Variants in FAM237B observed in about 807,000 individuals in gnomAD.
FAM237B encodes family with sequence similarity 237 member B.
In FAM237B at chr7:90,319,619, T is replaced by C. The variant is rs574583363; in HGVS notation, c.130A>G (p.Ile44Val). The change falls in exon 3 of 3, where the codon ATT (isoleucine) becomes GTT (valine). Residue 44 changes from isoleucine (I) to valine (V), a missense_variant. By Grantham distance (29) the Ile-to-Val change is conservative (BLOSUM62 3). Transcript: ENST00000692316. ...CAAGCTTTCCAGCACTGGAGATCAATGTCTTTGGTGATTCCTGGGCTGATG... is the reference window on the plus strand; with the variant it reads ...CAAGCTTTCCAGCACTGGAGATCAACGTCTTTGGTGATTCCTGGGCTGATG... ...ASISPGITKD[I>V]DLQCWKACSL... is the part of the protein sequence containing the mutation. 1.5e-5 allele frequency: 6 copies of C among 398,638 alleles called. No individual in the cohort carries two copies. The South Asian group carries it at 6.4e-4, about 42-fold the overall frequency. The allele number at this position is 398,638 out of a possible 1,614,324, so 24.7% of individuals were successfully genotyped here.
Position 90,319,485 on chromosome 7 carries a change from A to T in FAM237B, c.264T>A (p.Asn88Lys). 2 of 398,636 alleles carry T rather than the reference A, an allele frequency of 5.0e-6. No individual in the cohort carries two copies. The highest frequency in any genetic ancestry group is 7.1e-5 in the East Asian group (2 of 28,082). The allele number at this position is 398,636 out of a possible 1,614,324, so 24.7% of individuals were successfully genotyped here. The change falls in exon 3 of 3, where the codon AAT (asparagine) becomes AAA (lysine). Residue 88 changes from asparagine to lysine, a missense_variant. Coordinates refer to ENST00000692316, the MANE Select transcript of FAM237B (RefSeq NM_001384237.2). The part of the protein sequence containing the change: ...LQKSQRPGHY[N>K]VFLNIAQDFW... ...AATCCTGAGCTATGTTTAAGAAGAC[A>T]TTATAATGTCCAGGCCGCTGAGATT...
rs1378007240 is a variant in FAM237B at position 90,319,297 on chromosome 7, TTAAA to T, written c.*28_*31del. On this transcript the variant is annotated 3_prime_UTR_variant, in exon 3 of 3. Coordinates refer to ENST00000692316, the MANE Select transcript of FAM237B (RefSeq NM_001384237.2). ...GATAACTTGAAAAAAATCAGAAGAA[TTAAA>T]TAGTGACTTTTAAAGAAAAGTAAAC... 1.3e-5 allele frequency: 5 copies of T among 398,308 alleles called. No individual in the cohort carries two copies. The highest frequency in any genetic ancestry group is 2.2e-5 in the Non-Finnish European group (5 of 225,960). 24.7% of individuals were successfully genotyped at this position (398,308 alleles called of 1,614,324 possible).
chr7:90,319,144 C>A lies in FAM237B; in HGVS notation c.*185G>T. Reference sequence around the variant, plus strand: ...TTATCTACCAAAGTGTATTATATTCCAAGATCATTTAAAATTGTAAGTCAG... The same window carrying A: ...TTATCTACCAAAGTGTATTATATTCAAAGATCATTTAAAATTGTAAGTCAG... On this transcript the variant is annotated 3_prime_UTR_variant, in exon 3 of 3. Coordinates refer to ENST00000692316, the MANE Select transcript of FAM237B (RefSeq NM_001384237.2). 1 of 358,242 alleles carries A rather than the reference C, an allele frequency of 2.8e-6. No homozygotes were observed. The highest frequency in any genetic ancestry group is 5.0e-6 in the Non-Finnish European group (1 of 200,960). The allele number at this position is 358,242 out of a possible 1,614,324, so 22.2% of individuals were successfully genotyped here.
At chr7:90,320,411 G>A (rs1167931423) in intron 2 of FAM237B, 1 of 152,248 alleles carries the variant, frequency 6.6e-6, no homozygotes, top group African/African-American at 2.4e-5. Flanking sequence ...CGAAAACAAA[G>A]GTGATATAAG....
rs985452829 is a variant in FAM237B at position 90,316,969 on chromosome 7, A to G, written c.*2360T>C. 1 of 152,182 alleles carries G rather than the reference A, an allele frequency of 6.6e-6. No individual in the cohort carries two copies. Among genetic ancestry groups the G allele is most frequent in the Non-Finnish European group, 1.5e-5 (1 of 68,028 alleles). 9.4% of individuals were successfully genotyped at this position (152,182 alleles called of 1,614,324 possible). Reference sequence around the variant, plus strand: ...TTACAGCATTGAACTTTTGAGCTTCAATCATTTGCCCACAGACTGTAAAAG... The same window carrying G: ...TTACAGCATTGAACTTTTGAGCTTCGATCATTTGCCCACAGACTGTAAAAG... On this transcript the variant is annotated 3_prime_UTR_variant, in exon 3 of 3. Coordinates refer to ENST00000692316, the MANE Select transcript of FAM237B (RefSeq NM_001384237.2).
chr7:90,320,497 C>G (rs1488282651), intron 2 of FAM237B, 184 bp downstream of exon 2: 2 of 152,208 alleles, frequency 1.3e-5, no homozygotes, highest in African/African-American at 4.8e-5. Flanking sequence ...TGCATGCCTC[C>G]TTGCCAACTG....
At position 90,318,063 on chromosome 7, in the gene FAM237B, A is replaced by G. The variant is rs1794971675; in HGVS notation, c.*1266T>C. 1 of 152,200 alleles carries G rather than the reference A, an allele frequency of 6.6e-6. No individual in the cohort carries two copies. Among genetic ancestry groups the G allele is most frequent in the Non-Finnish European group, 1.5e-5 (1 of 68,014 alleles). The allele number at this position is 152,200 out of a possible 1,614,324, so 9.4% of individuals were successfully genotyped here. On this transcript the variant is annotated 3_prime_UTR_variant, in exon 3 of 3. Transcript: ENST00000692316. ...CCCTCTTCACTAGGAGAAGTGGGAA[A>G]CAGACCAAATTTATAGGCACCCTTT...
At position 90,318,519 on chromosome 7, in the gene FAM237B, T is replaced by G. The variant is rs1795022790; in HGVS notation, c.*810A>C. 1 of 152,140 alleles carries G rather than the reference T, an allele frequency of 6.6e-6. No homozygotes were observed. Among genetic ancestry groups the G allele is most frequent in the Non-Finnish European group, 1.5e-5 (1 of 67,974 alleles). The allele number at this position is 152,140 out of a possible 1,614,324, so 9.4% of individuals were successfully genotyped here. On this transcript the variant is annotated 3_prime_UTR_variant, in exon 3 of 3. Transcript: ENST00000692316. ...CATTAAATATTACTTTTTAGGATAA[T>G]ACTGCCATTAGTTTTGGCACAGTTT...
chr7:90,320,433 T>C (rs1186287693), intron 2 of FAM237B: 3 of 152,230 alleles, frequency 2.0e-5, no homozygotes, highest in Admixed American at 2.0e-4. Context: ...TAGGATGAGA[T>C]AGTGCAGGGC....
chr7:90,321,263 AGCT>A lies in FAM237B; in HGVS notation c.-395_-393del, dbSNP rs1308555535. The A allele has an allele frequency of 6.6e-6, 1 of 151,836 alleles. No homozygotes were observed. The highest frequency in any genetic ancestry group is 1.5e-5 in the Non-Finnish European group (1 of 68,036). 9.4% of individuals were successfully genotyped at this position (151,836 alleles called of 1,614,324 possible). On this transcript the variant is annotated 5_prime_UTR_variant, in exon 1 of 3. Coordinates refer to ENST00000692316, the MANE Select transcript of FAM237B (RefSeq NM_001384237.2). ...GCTGGCACTGGCTCACCGCGGGTGG[AGCT>A]GCCGGTTCTGCTGCGGCCACGCGGG...
In FAM237B at chr7:90,317,532, A is replaced by C. The variant is rs1794915216; in HGVS notation, c.*1797T>G. The C allele has an allele frequency of 7.0e-6, 1 of 142,952 alleles. No homozygotes were observed. The highest frequency in any genetic ancestry group is 2.5e-5 in the African/African-American group (1 of 40,244). 8.9% of individuals were successfully genotyped at this position (142,952 alleles called of 1,614,324 possible). A position where few individuals can be genotyped will look rare whatever the true frequency, so the allele number is the denominator to read the frequency against. On this transcript the variant is annotated 3_prime_UTR_variant, in exon 3 of 3. Transcript: ENST00000692316. Reference sequence around the variant, plus strand: ...TACAATCTTATATTATCTGCTACTCATGCAAAATTGGTTATATGAAATAAT... The same window carrying C: ...TACAATCTTATATTATCTGCTACTCCTGCAAAATTGGTTATATGAAATAAT...
At chr7:90,319,929 C>T (rs755094185) in intron 2 of FAM237B, among the ~76,000 whole-genome samples, 178 bp from the exon 3 acceptor site, 1 of 152,146 alleles carries the variant, frequency 6.6e-6, no homozygotes, top group Non-Finnish European at 1.5e-5. Flanking sequence ...TATTACAGTT[C>T]CGGTTTGATT....
At chr7:90,319,890 A>G in intron 2 of FAM237B, 139 bp from the exon 3 acceptor site, 1 of 396,760 alleles carries the variant, frequency 2.5e-6, no homozygotes, top group Non-Finnish European at 4.4e-6. Flanking sequence ...TTTTTTCTAA[A>G]TTACTGATTA....
intron 2 of FAM237B, among the ~76,000 whole-genome samples, chr7:90,320,078 T>G (rs558770222): frequency 6.6e-6 from 1 of 152,242 alleles, no homozygotes; most frequent in Non-Finnish European, 1.5e-5. Context: ...GATTAGATCA[T>G]TAGTGATACG....
rs979909009 is a variant in FAM237B, at chr7:90,319,394, G to A, written c.355C>T (p.Pro119Ser). 2.2e-4 allele frequency: 86 copies of A among 398,510 alleles called. No individual in the cohort carries two copies. The highest frequency in any genetic ancestry group is 1.3e-3 in the Middle Eastern group (2 of 1,588). The allele number at this position is 398,510 out of a possible 1,614,324, so 24.7% of individuals were successfully genotyped here. A position where few individuals can be genotyped will look rare whatever the true frequency, so the allele number is the denominator to read the frequency against. ...SHGMGRRQVM[P>S]PKYNFPQKIT... ...TTCTGTGGAAAATTATATTTGGGGG[G>A]CATCACCTGTCTTCTGCCCATTCCA... The change falls in exon 3 of 3, where the codon CCC becomes TCC. Residue 119 changes from proline (P) to serine (S), a missense_variant. Coordinates refer to ENST00000692316, the MANE Select transcript of FAM237B (RefSeq NM_001384237.2).
rs941087695 is a variant in FAM237B, at chr7:90,319,380, A to T, written c.369T>A (p.Asn123Lys). 2.5e-6 allele frequency: 1 copy of T among 398,466 alleles called. No homozygotes were observed. The highest frequency in any genetic ancestry group is 4.4e-5 in the Admixed American group (1 of 22,708). The allele number at this position is 398,466 out of a possible 1,614,324, so 24.7% of individuals were successfully genotyped here. Reference sequence around the variant, plus strand: ...TACCTCCTGTTATTTTCTGTGGAAAATTATATTTGGGGGGCATCACCTGTC... The same window carrying T: ...TACCTCCTGTTATTTTCTGTGGAAATTTATATTTGGGGGGCATCACCTGTC... ...GRRQVMPPKY[N>K]FPQKITGGNL... Residue 123 changes from asparagine (N) to lysine (K), a missense_variant, in exon 3 of 3, where the codon AAT becomes AAA. Transcript: ENST00000692316.
rs1227671735 is a variant in FAM237B at position 90,317,531 on chromosome 7, C to T, written c.*1798G>A. On this transcript the variant is annotated 3_prime_UTR_variant, in exon 3 of 3. Transcript: ENST00000692316. Reference sequence around the variant, plus strand: ...CTACAATCTTATATTATCTGCTACTCATGCAAAATTGGTTATATGAAATAA... The same window carrying T: ...CTACAATCTTATATTATCTGCTACTTATGCAAAATTGGTTATATGAAATAA... 7.0e-6 allele frequency: 1 copy of T among 142,540 alleles called. No homozygotes were observed. Among genetic ancestry groups the T allele is most frequent in the African/African-American group, 2.5e-5 (1 of 40,158 alleles). 8.8% of individuals were successfully genotyped at this position (142,540 alleles called of 1,614,324 possible). A position where few individuals can be genotyped will look rare whatever the true frequency, so the allele number is the denominator to read the frequency against.
intron 2 of FAM237B, 21 bp downstream of exon 2, chr7:90,320,660 G>C (rs1237925444): frequency 1.3e-5 from 2 of 152,206 alleles, no homozygotes; most frequent in African/African-American, 2.4e-5. Context: ...GAGGAGAACA[G>C]ATCCAGAACA....
In FAM237B at chr7:90,318,262, T is replaced by C. The variant is rs1361259372; in HGVS notation, c.*1067A>G. On this transcript the variant is annotated 3_prime_UTR_variant, in exon 3 of 3. Transcript: ENST00000692316. ...GCTTCACATCCTTTTTGAAATAAGA[T>C]GTGAGATATAAATAGGCAATATAAA... 2 of 152,226 alleles carry C rather than the reference T, an allele frequency of 1.3e-5. No homozygotes were observed. Among genetic ancestry groups the C allele is most frequent in the Middle Eastern group, 3.2e-3 (1 of 316 alleles). 9.4% of individuals were successfully genotyped at this position (152,226 alleles called of 1,614,324 possible).
Sources: allele counts gnomAD v4.1 joint callset (sites outside exome capture counted in the v4.1 genomes callset), GRCh38; gene constraint gnomAD v4.1.1; transcripts MANE v1.5; gene names NCBI Gene and HGNC (gene_info 2026-07-23, HGNC 2026-07-21).